The following MAML3 variants were observed in gnomAD, a reference collection of about 807,000 sequenced individuals.
MAML3 encodes mastermind-like protein 3.
In MAML3, 27 loss-of-function variants were observed where a neutral mutation model predicts 101.9. The ratio of observed to expected loss-of-function variants is 0.27; its 90% CI spans 0.20 to 0.37. MAML3 has a LOEUF of 0.37. Among genes scored for constraint, MAML3 ranks in the 10% least tolerant of loss-of-function variants. The pLI is 1.00. For synonymous variants in MAML3, 501 were observed against 555.9 expected (o/e 0.90, Z 1.39); for missense variants, 1,316 against 1,444.9 (o/e 0.91, Z 1.45).
intron 1 of MAML3, among the ~76,000 whole-genome samples, chr4:140,127,820 A>C (rs1198445040): frequency 1.3e-5 from 2 of 152,218 alleles, no homozygotes; most frequent in East Asian, 3.8e-4. Context: ...AAGTAGCTGT[A>C]CTAAAAGCAC....
chr4:140,111,057 A>G (rs926803560), intron 1 of MAML3, among the ~76,000 whole-genome samples: 2 of 152,248 alleles, frequency 1.3e-5, no homozygotes, highest in African/African-American at 4.8e-5. Context: ...AACCACAGCC[A>G]TAAAACATTT....
chr4:139,716,904 T>G lies in MAML3; in HGVS notation c.*2419A>C, dbSNP rs919431374. ...AAGTAAAAACAGAAAACTAGAAAAA[T>G]CTGAATAAAATGGAGCAAGTTGCCA... is the stretch of plus-strand genomic sequence containing the variant. On this transcript the variant is annotated 3_prime_UTR_variant, in exon 5 of 5. Coordinates refer to ENST00000509479, the MANE Select transcript of MAML3 (RefSeq NM_018717.5). 6.6e-6 allele frequency: 1 copy of G among 152,416 alleles called. No individual in the cohort carries two copies. Among genetic ancestry groups the G allele is most frequent in the Non-Finnish European group, 1.5e-5 (1 of 68,014 alleles). The allele number at this position is 152,416 out of a possible 1,614,324, so 9.4% of individuals were successfully genotyped here.
chr4:139,865,357 T>C (rs1731875827), intron 2 of MAML3, among the ~76,000 whole-genome samples: 1 of 152,122 alleles, frequency 6.6e-6, no homozygotes, highest in Admixed American at 6.5e-5. Flanking sequence ...GGTGCAGAAA[T>C]AAGATGGATC....
chr4:139,961,075 G>C (rs1389614634), intron 1 of MAML3, among the ~76,000 whole-genome samples: 1 of 152,164 alleles, frequency 6.6e-6, no homozygotes, highest in East Asian at 1.9e-4. Flanking sequence ...TGCAGGTAAC[G>C]ACCACCTCTC....
At chr4:139,819,276 G>A (rs1027695503) in intron 2 of MAML3, among the ~76,000 whole-genome samples, 4 of 152,190 alleles carry the variant, frequency 2.6e-5, no homozygotes, top group African/African-American at 9.7e-5. Flanking sequence ...GCTCCCTGAA[G>A]TGTGTGGCTC....
At chr4:139,730,309 A>G (rs1017887728) in intron 3 of MAML3, 107 bp downstream of exon 3, 18 of 959,802 alleles carry the variant, frequency 1.9e-5, no homozygotes, top group African/African-American at 1.1e-4. Flanking sequence ...CTAGACCGTG[A>G]GCATCTTGAT....
At chr4:139,943,615 T>C (rs576535348) in intron 1 of MAML3, among the ~76,000 whole-genome samples, 2 of 152,150 alleles carry the variant, frequency 1.3e-5, no homozygotes, top group African/African-American at 4.8e-5. Context: ...TTGGCTAAAA[T>C]GCAAATAGAA....
chr4:139,861,033 G>A (rs1731771794), intron 2 of MAML3, among the ~76,000 whole-genome samples: 1 of 151,908 alleles, frequency 6.6e-6, no homozygotes. Context: ...TATACATAAA[G>A]ATATATACAT....
chr4:139,867,656 G>A (rs1230496919), intron 2 of MAML3, among the ~76,000 whole-genome samples: 2 of 152,164 alleles, frequency 1.3e-5, no homozygotes, highest in South Asian at 2.1e-4. Flanking sequence ...CAATAAAATG[G>A]TTTCTGTTTC....
At chr4:139,945,152 C>T (rs1733700356) in intron 1 of MAML3, among the ~76,000 whole-genome samples, 1 of 152,194 alleles carries the variant, frequency 6.6e-6, no homozygotes, top group South Asian at 2.1e-4. Context: ...TGTTGACTCT[C>T]CCAGCCTTCC....
intron 1 of MAML3, among the ~76,000 whole-genome samples, chr4:140,083,383 A>C (rs140413966): frequency 6.4e-4 from 98 of 152,292 alleles, no homozygotes; most frequent in African/African-American, 2.2e-3. Context: ...ATAAATGAGC[A>C]CTCCCATGCA....
chr4:140,053,739 T>G (rs1283186780), intron 1 of MAML3, among the ~76,000 whole-genome samples: 1 of 152,232 alleles, frequency 6.6e-6, no homozygotes, highest in Non-Finnish European at 1.5e-5. Flanking sequence ...AGAAAACACA[T>G]TTCTACAAAT....
At chr4:139,847,345 G>A (rs957596949) in intron 2 of MAML3, among the ~76,000 whole-genome samples, 3 of 152,182 alleles carry the variant, frequency 2.0e-5, no homozygotes, top group Non-Finnish European at 4.4e-5. Context: ...GATTCAATCC[G>A]TTGAGCAAAT....
chr4:140,122,582 G>C (rs933928232), intron 1 of MAML3, among the ~76,000 whole-genome samples: 15 of 151,758 alleles, frequency 9.9e-5, no homozygotes, highest in Non-Finnish European at 1.8e-4. Context: ...CACGAGGTCA[G>C]GAGATCGAGA....
chr4:140,153,427 C>G lies in MAML3; in HGVS notation c.-100G>C. On this transcript the variant is annotated 5_prime_UTR_variant, in exon 1 of 5. Transcript: ENST00000509479. ...GGATTAAAATAGTTTAAGTGGAACG[C>G]GGGGGAGACGCAAGCACATGGATGG... is the stretch of plus-strand genomic sequence containing the variant. The G allele has an allele frequency of 8.6e-7, 1 of 1,165,970 alleles. No individual in the cohort carries two copies. Among genetic ancestry groups the G allele is most frequent in the Non-Finnish European group, 1.1e-6 (1 of 922,520 alleles). 72.2% of individuals were successfully genotyped at this position (1,165,970 alleles called of 1,614,324 possible).
At chr4:139,811,997 TC>T (rs1421880907) in intron 2 of MAML3, among the ~76,000 whole-genome samples, 1 of 152,192 alleles carries the variant, frequency 6.6e-6, no homozygotes, top group Non-Finnish European at 1.5e-5. Context: ...GCATGGTGGC[TC>T]ACACCTATAA....
intron 1 of MAML3, among the ~76,000 whole-genome samples, chr4:139,969,901 G>C (rs1286663385): frequency 2.0e-5 from 3 of 152,188 alleles, no homozygotes; most frequent in African/African-American, 7.2e-5. Flanking sequence ...CACATGTTAA[G>C]TAACATATTG....
chr4:140,116,793 G>A (rs565583865), intron 1 of MAML3, among the ~76,000 whole-genome samples: 1 of 152,358 alleles, frequency 6.6e-6, no homozygotes, highest in South Asian at 2.1e-4. Flanking sequence ...TTGTAAAGAT[G>A]TGACTAGGGA....
chr4:139,853,511 A>T (rs1435402800), intron 2 of MAML3, among the ~76,000 whole-genome samples: 1 of 152,174 alleles, frequency 6.6e-6, no homozygotes, highest in East Asian at 1.9e-4. Flanking sequence ...CCTAGGGGAC[A>T]TTCTTTAGAG....
Sources: gnomAD v4.1 joint callset for allele counts (sites outside exome capture counted in the v4.1 genomes callset) on GRCh38, gnomAD v4.1.1 for gene constraint, MANE v1.5 for transcripts, NCBI Gene and HGNC (gene_info 2026-07-23, HGNC 2026-07-21) for gene names.